The following SNCG variants were observed in gnomAD, a reference collection of about 807,000 sequenced individuals.
SNCG encodes synuclein gamma.
A neutral mutation model predicts 16.0 loss-of-function variants in SNCG; 13 were observed. The ratio of observed to expected loss-of-function variants is 0.81; its 90% confidence interval spans 0.53 to 1.29. The LOEUF is 1.29. Among genes scored for constraint, SNCG ranks in the 50% most tolerant of loss-of-function variants. The pLI is 0.00. For missense variants in SNCG, 154 were observed against 168.5 expected (o/e 0.91, Z 0.48); for synonymous variants, 66 against 66.3 (o/e 1.00, Z 0.02).
In SNCG at chr10:86,958,747, G is replaced by A. The variant is rs371943257; in HGVS notation, c.50G>A (p.Gly17Asp). Residue 17 changes from glycine (G) to aspartate (D), a missense_variant, in exon 1 of 5, where the codon GGT (glycine) becomes GAT (aspartate). Coordinates refer to ENST00000372017, the MANE Select transcript of SNCG (RefSeq NM_003087.3). Reference sequence around the variant, plus strand: ...TCCATCGCCAAGGAGGGCGTGGTGGGTGCGGTGGAAAAGACCAAGCAGGGG... The same window carrying A: ...TCCATCGCCAAGGAGGGCGTGGTGGATGCGGTGGAAAAGACCAAGCAGGGG... ...GFSIAKEGVV[G>D]AVEKTKQGVT... is the part of the protein sequence containing the mutation. 2 of 1,613,876 alleles carry A rather than the reference G, an allele frequency of 1.2e-6. No homozygotes were observed. Among genetic ancestry groups the A allele is most frequent in the Middle Eastern group, 1.6e-4 (1 of 6,082 alleles).
rs374817748 is a variant in SNCG, at chr10:86,958,667, G to C, written c.-31G>C. 1 of 1,613,142 alleles carries C rather than the reference G, an allele frequency of 6.2e-7. No individual in the cohort carries two copies. The highest frequency in any genetic ancestry group is 8.5e-7 in the Non-Finnish European group (1 of 1,179,826). On this transcript the variant is annotated 5_prime_UTR_variant, in exon 1 of 5. Coordinates refer to ENST00000372017, the MANE Select transcript of SNCG (RefSeq NM_003087.3). The stretch of plus-strand genomic sequence containing the variant: ...TCGCAGGGAGATCCAGCTCCGTCCT[G>C]CCTGCAGCAGCACAACCCTGCACAC...
At chr10:86,957,991 G>A (rs944905558), upstream of SNCG, 34 of 1,011,582 alleles carry the variant, frequency 3.4e-5, no homozygotes, top group Non-Finnish European at 3.9e-5. Context: ...AGCACTGGGC[G>A]GCTCAAAGAA....
upstream of SNCG, chr10:86,958,498 C>CCAACCAAA: frequency 1.7e-6 from 1 of 595,038 alleles, no homozygotes; most frequent in Non-Finnish European, 2.4e-6. Flanking sequence ...GAACCTCCTT[C>CCAACCAAA]CCTCCCTCCC....
At chr10:86,958,592 C>T, upstream of SNCG, 1 of 1,359,306 alleles carries the variant, frequency 7.4e-7, no homozygotes, top group Non-Finnish European at 9.7e-7. Flanking sequence ...CAATAGGAGG[C>T]ATCGGGGACA....
chr10:86,958,497 T>TGCCAACCCAA, upstream of SNCG: 2 of 1,098,116 alleles, frequency 1.8e-6, no homozygotes, highest in Non-Finnish European at 2.3e-6. Context: ...TGAACCTCCT[T>TGCCAACCCAA]CCCTCCCTCC....
chr10:86,958,453 G>T, upstream of SNCG: 3 of 985,394 alleles, frequency 3.0e-6, no homozygotes, highest in Non-Finnish European at 3.6e-6. Context: ...AGGGAGCCTG[G>T]TCTCTGCCTT....
chr10:86,962,636 G>C lies in SNCG; in HGVS notation c.324G>C (p.Glu108Asp), dbSNP rs1451135898. Residue 108 changes from glutamate to aspartate, a missense_variant, in exon 4 of 5, where the codon GAG becomes GAC. Transcript: ENST00000372017. ...TGAGGCCATCTGCCCCCCAACAGGA[G>C]GGTGAGGCATCCAAAGAGAAAGAGG... ...EDLRPSAPQQ[E>D]GEASKEKEEV... The C allele has an allele frequency of 2.5e-6, 4 of 1,612,914 alleles. No homozygotes were observed. In the African/African-American group the frequency reaches 4.0e-5, roughly 16 times the overall value.
Position 86,958,767 on chromosome 10 carries a change from C to A in SNCG, c.70C>A (p.Gln24Lys). Residue 24 changes from glutamine to lysine, a missense_variant, in exon 1 of 5, where the codon CAG (glutamine) becomes AAG (lysine). By Grantham distance (53) the Gln-to-Lys change is moderately conservative. Coordinates refer to ENST00000372017, the MANE Select transcript of SNCG (RefSeq NM_003087.3). The part of the protein sequence containing the change: ...GVVGAVEKTK[Q>K]GVTEAAEKTK... ...GGTGGGTGCGGTGGAAAAGACCAAG[C>A]AGGGGGTGACGGAAGCAGCTGAGAA... 1.9e-6 allele frequency: 3 copies of A among 1,613,448 alleles called. No individual in the cohort carries two copies. The highest frequency in any genetic ancestry group is 2.5e-6 in the Non-Finnish European group (3 of 1,179,654).
chr10:86,960,161 C>G, intron 3 of SNCG, 33 bp downstream of exon 3: 3 of 1,588,028 alleles, frequency 1.9e-6, no homozygotes, highest in Non-Finnish European at 2.6e-6. Flanking sequence ...GCCCAGTCCT[C>G]TCCTGGGCCC....
upstream of SNCG, chr10:86,957,761 G>A (rs1844261234): frequency 7.4e-7 from 1 of 1,355,870 alleles, no homozygotes; most frequent in African/African-American, 1.5e-5. Flanking sequence ...GCCAGTTCCT[G>A]TCCCTGAGGA....
Position 86,959,289 on chromosome 10 carries a change from G to A in SNCG, c.122-344G>A. On this transcript the variant is annotated intron_variant, in intron 1 of 4. Transcript: ENST00000372017. The surrounding 1 kb of genome is among the most constrained non-coding windows in gnomAD (Gnocchi z 4.3). The stretch of plus-strand genomic sequence containing the variant: ...TCCTCTCCTGGCACTCTCCAGAGGA[G>A]GAAGGGGAGGTCAAGCCAATGACTC... The A allele has an allele frequency of 2.2e-6, 1 of 453,970 alleles. No homozygotes were observed. 28.1% of individuals were successfully genotyped at this position (453,970 alleles called of 1,614,324 possible).
chr10:86,959,761 C>G lies in SNCG; in HGVS notation c.163+87C>G. On this transcript the variant is annotated intron_variant, in intron 2 of 4. Coordinates refer to ENST00000372017, the MANE Select transcript of SNCG (RefSeq NM_003087.3). This position sits in a 1 kb window ranked among gnomAD's most constrained non-coding sequence, Gnocchi z 4.3. Reference sequence around the variant, plus strand: ...AGTGCTGGGGCTCAAACCTAGAGTCCTGCCTTACCCCCAACTGGGGTCCCA... The same window carrying G: ...AGTGCTGGGGCTCAAACCTAGAGTCGTGCCTTACCCCCAACTGGGGTCCCA... 7.3e-7 allele frequency: 1 copy of G among 1,375,952 alleles called. No homozygotes were observed. The allele number at this position is 1,375,952 out of a possible 1,614,324, so 85.2% of individuals were successfully genotyped here. A position where few individuals can be genotyped will look rare whatever the true frequency, so the allele number is the denominator to read the frequency against.
intron 3 of SNCG, among the ~76,000 whole-genome samples, chr10:86,960,392 A>C (rs1011700143): frequency 2.0e-5 from 3 of 152,158 alleles, no homozygotes; most frequent in Non-Finnish European, 2.9e-5. Flanking sequence ...GCTCAAAACC[A>C]CATCTTCCGG....
Position 86,963,106 on chromosome 10 carries a change from C to T in SNCG, c.*121C>T. 1 of 1,036,170 alleles carries T rather than the reference C, an allele frequency of 9.7e-7. No homozygotes were observed. The highest frequency in any genetic ancestry group is 1.7e-5 in the South Asian group (1 of 58,524). 64.2% of individuals were successfully genotyped at this position (1,036,170 alleles called of 1,614,324 possible). ...CGGCTGCCCACGCTCCTGCCCTCGT[C>T]TCCCTGGCCACCCTTGGCCTGTCCA... On this transcript the variant is annotated 3_prime_UTR_variant, in exon 5 of 5. Transcript: ENST00000372017.
chr10:86,955,886 G>A (rs1190199844), upstream of SNCG, among the ~76,000 whole-genome samples: 1 of 152,136 alleles, frequency 6.6e-6, no homozygotes. Flanking sequence ...CAGAACCCCA[G>A]AGAAGGACTG....
upstream of SNCG, chr10:86,958,089 A>G: frequency 1.0e-6 from 1 of 981,298 alleles, no homozygotes; most frequent in Non-Finnish European, 1.2e-6. Context: ...CACCCACCTC[A>G]GATCCTCCAA....
chr10:86,957,737 C>T (rs73353632), upstream of SNCG: 501 of 1,364,416 alleles, frequency 3.7e-4, 1 homozygote, highest in African/African-American at 6.6e-3. Context: ...CCACAGGGGC[C>T]GCCAACCACA....
intron 1 of SNCG, 59 bp downstream of exon 1, chr10:86,958,877 C>T: frequency 2.6e-6 from 4 of 1,531,830 alleles, no homozygotes; most frequent in Non-Finnish European, 3.5e-6. Flanking sequence ...TGCCCAGTTA[C>T]CTTCGCCAGA....
upstream of SNCG, chr10:86,957,685 C>T (rs988391859): frequency 2.2e-6 from 3 of 1,335,330 alleles, no homozygotes; most frequent in African/African-American, 2.9e-5. Context: ...GGCCGGCCTA[C>T]CCGGTGGGTC....
Sources: allele counts gnomAD v4.1 joint callset (sites outside exome capture counted in the v4.1 genomes callset), GRCh38; gene constraint gnomAD v4.1.1; non-coding constraint Gnocchi (gnomAD v3.1); transcripts MANE v1.5; gene names NCBI Gene and HGNC (gene_info 2026-07-23, HGNC 2026-07-21).